The following KSR2 variants were observed in gnomAD, a reference collection of about 807,000 sequenced individuals.
KSR2 encodes kinase suppressor of ras 2.
A neutral mutation model predicts 107.8 loss-of-function variants in KSR2; 25 were observed. The observed-to-expected ratio is 0.23, with a 90% confidence interval of 0.17 to 0.32. The LOEUF (loss-of-function observed/expected upper bound fraction) is 0.32. Among genes scored for constraint, KSR2 ranks in the 10% least tolerant of loss-of-function variants. The pLI, the probability that KSR2 is intolerant of heterozygous loss-of-function variation, is 1.00. For synonymous variants in KSR2, 480 were observed against 507.0 expected, an observed-to-expected ratio of 0.95 and a Z score of 0.71; for missense variants, 887 against 1,268.9, an observed-to-expected ratio of 0.70 and a Z score of 4.57.
intron 5 of KSR2, among the ~76,000 whole-genome samples, chr12:117,643,109 T>C (rs1426625198): frequency 2.0e-5 from 3 of 152,192 alleles, no homozygotes; most frequent in Non-Finnish European, 4.4e-5. Flanking sequence ...GGGGACTACC[T>C]AGAGTTAGCA....
At chr12:117,485,524 G>C in intron 15 of KSR2, 71 bp downstream of exon 15, 2 of 1,150,780 alleles carry the variant, frequency 1.7e-6, no homozygotes, top group Non-Finnish European at 2.6e-6. Flanking sequence ...GAGCCCTGGG[G>C]TAGGGGGGCT....
intron 5 of KSR2, among the ~76,000 whole-genome samples, chr12:117,628,555 C>T (rs566539830): frequency 6.6e-6 from 1 of 152,276 alleles, no homozygotes; most frequent in East Asian, 1.9e-4. Flanking sequence ...ATATTGCTGC[C>T]TGATCCTTCC....
intron 4 of KSR2, chr12:117,674,321 A>C (rs1392671473): frequency 4.0e-6 from 2 of 504,944 alleles, no homozygotes; most frequent in Admixed American, 2.0e-5. Context: ...TCGCAGACTC[A>C]CTTGCATTTG....
chr12:117,876,641 CAAT>C (rs1242564189), intron 1 of KSR2, among the ~76,000 whole-genome samples: 15 of 151,918 alleles, frequency 9.9e-5, no homozygotes, highest in African/African-American at 3.6e-4. Context: ...AACATTTACA[CAAT>C]AATACATTAT....
chr12:117,799,926 G>A (rs1411402188), intron 3 of KSR2, among the ~76,000 whole-genome samples: 3 of 152,324 alleles, frequency 2.0e-5, no homozygotes, highest in African/African-American at 4.8e-5. Context: ...AGGAGGCCAC[G>A]TAATCTGCCT....
intron 5 of KSR2, among the ~76,000 whole-genome samples, chr12:117,657,901 A>C (rs1436903934): frequency 2.0e-5 from 3 of 152,264 alleles, no homozygotes; most frequent in Admixed American, 2.0e-4. Context: ...GGCATGAAAC[A>C]AATACTCATA....
chr12:117,910,280 G>A (rs922670578), intron 1 of KSR2, among the ~76,000 whole-genome samples: 2 of 152,068 alleles, frequency 1.3e-5, no homozygotes, highest in Admixed American at 6.6e-5. Context: ...TCAGTTTATT[G>A]CCATTAGATC....
chr12:117,685,978 C>A (rs1294847545), intron 4 of KSR2, among the ~76,000 whole-genome samples: 2 of 152,202 alleles, frequency 1.3e-5, no homozygotes, highest in African/African-American at 4.8e-5. Flanking sequence ...ATGACAGCTG[C>A]CATTCATTTC....
At chr12:117,940,916 T>C (rs1033028230) in intron 1 of KSR2, among the ~76,000 whole-genome samples, 1 of 151,764 alleles carries the variant, frequency 6.6e-6, no homozygotes, top group African/African-American at 2.4e-5. Context: ...CAAAATCCCA[T>C]CTCTACTAAA....
chr12:117,743,220 C>T (rs1888288160), intron 4 of KSR2, among the ~76,000 whole-genome samples: 1 of 152,232 alleles, frequency 6.6e-6, no homozygotes. Flanking sequence ...AGGTTTTCAG[C>T]CCAACTTCCC....
intron 1 of KSR2, among the ~76,000 whole-genome samples, chr12:117,874,972 G>A (rs907059020): frequency 2.0e-5 from 3 of 152,180 alleles, no homozygotes; most frequent in African/African-American, 7.2e-5. Flanking sequence ...ACAGGTTGCG[G>A]AAATCCGACG....
At chr12:117,709,512 C>T (rs1171917920) in intron 4 of KSR2, among the ~76,000 whole-genome samples, 2 of 152,202 alleles carry the variant, frequency 1.3e-5, no homozygotes, top group Middle Eastern at 3.4e-3. Flanking sequence ...TTTGCAGAGA[C>T]AGGGTCTTAC....
chr12:117,698,614 C>T (rs2136607347), intron 4 of KSR2, among the ~76,000 whole-genome samples: 1 of 152,322 alleles, frequency 6.6e-6, no homozygotes, highest in South Asian at 2.1e-4. Context: ...GTATGAGCCA[C>T]TGTACCCGGC....
intron 1 of KSR2, among the ~76,000 whole-genome samples, chr12:117,939,555 A>G (rs1015278394): frequency 1.3e-5 from 2 of 152,150 alleles, no homozygotes; most frequent in Non-Finnish European, 2.9e-5. Context: ...TACTAAAAAT[A>G]CAAAAAATTA....
intron 1 of KSR2, among the ~76,000 whole-genome samples, chr12:117,942,178 G>C (rs887757464): frequency 1.3e-5 from 2 of 152,108 alleles, no homozygotes; most frequent in African/African-American, 4.8e-5. Flanking sequence ...TGGGTAACTA[G>C]AATATTCATC....
At chr12:117,910,838 G>T (rs541177886) in intron 1 of KSR2, among the ~76,000 whole-genome samples, 2 of 152,260 alleles carry the variant, frequency 1.3e-5, no homozygotes, top group African/African-American at 4.8e-5. Context: ...GCATATGTGG[G>T]CTCAACTCTG....
chr12:117,480,862 C>T (rs1332444417), intron 16 of KSR2, among the ~76,000 whole-genome samples: 1 of 152,084 alleles, frequency 6.6e-6, no homozygotes, highest in Non-Finnish European at 1.5e-5. Flanking sequence ...GACTAGGCAC[C>T]TCAACCCAAT....
rs142673115 is a variant in KSR2 at position 117,622,951 on chromosome 12, G to A, written c.1172-40592C>T. On this transcript the variant is annotated intron_variant, in intron 5 of 19. Transcript: ENST00000339824. ...CCTAAAATTATAGCATATTGAGGTA[G>A]GCATGCACTCCAATGGAGGAAGTTT... 3.2e-3 allele frequency among the ~76,000 whole-genome samples: 482 copies of A among 152,300 alleles called. 4 individuals are homozygous for A. Among genetic ancestry groups the A allele is most frequent in the African/African-American group, 0.01 (431 of 41,566 alleles).
rs112414876 is a variant in KSR2, at chr12:117,810,263, T to G, written c.472+45165A>C. 4.0e-4 allele frequency among the ~76,000 whole-genome samples: 61 copies of G among 152,336 alleles called. 1 individual carries two copies. Among genetic ancestry groups the G allele is most frequent in the African/African-American group, 1.1e-3 (47 of 41,584 alleles). Reference sequence around the variant, plus strand: ...CTATTAATCTGCACTCTACAGTATCTCCATCAACTGCCAGTTTAATACGAA... The same window carrying G: ...CTATTAATCTGCACTCTACAGTATCGCCATCAACTGCCAGTTTAATACGAA... On this transcript the variant is annotated intron_variant, in intron 3 of 19. Coordinates refer to ENST00000339824, the MANE Select transcript of KSR2 (RefSeq NM_173598.6).
Sources: allele counts gnomAD v4.1 joint callset (sites outside exome capture counted in the v4.1 genomes callset), GRCh38; gene constraint gnomAD v4.1.1; transcripts MANE v1.5; gene names NCBI Gene and HGNC (gene_info 2026-07-23, HGNC 2026-07-21).